The following TTLL11 variants were observed in gnomAD, a reference collection of about 807,000 sequenced individuals.
The protein encoded by TTLL11 is tubulin tyrosine ligase like 11, also known as tubulin polyglutamylase TTLL11.
A neutral mutation model predicts 51.7 loss-of-function variants in TTLL11; 42 were observed. That is an observed-to-expected ratio of 0.81 (90% CI 0.64 to 1.05). The LOEUF (loss-of-function observed/expected upper bound fraction) is 1.05, where lower values mean the gene tolerates loss of function less well. Among genes scored for constraint, TTLL11 ranks in the 50% least tolerant of loss-of-function variants. The probability of loss-of-function intolerance (pLI) is 0.00; values close to 1 mark genes in which losing one functional copy is unlikely to be tolerated. For missense variants in TTLL11, 799 were observed against 940.4 expected, an observed-to-expected ratio of 0.85 and a Z score of 1.97; for synonymous variants, 381 against 383.5, an observed-to-expected ratio of 0.99 and a Z score of 0.08.
Position 122,078,149 on chromosome 9 carries a change from T to C in TTLL11, c.462+14538A>G, listed in dbSNP as rs934094403. ...ATTAGCAAAGCAGCCAACTTAATATTGGAAAAAGAACAACAAAATAAACCT... is the reference window on the plus strand; with the variant it reads ...ATTAGCAAAGCAGCCAACTTAATATCGGAAAAAGAACAACAAAATAAACCT... On this transcript the variant is annotated intron_variant, in intron 1 of 8. Coordinates refer to ENST00000321582, the MANE Select transcript of TTLL11 (RefSeq NM_001139442.2). Among the ~76,000 whole-genome samples, 4 of 151,614 alleles carry C rather than the reference T, an allele frequency of 2.6e-5. No individual in the cohort carries two copies. The South Asian group carries it at 8.3e-4, about 32-fold the overall frequency.
chr9:121,942,943 C>A (rs1841538923), intron 6 of TTLL11, among the ~76,000 whole-genome samples: 1 of 152,124 alleles, frequency 6.6e-6, no homozygotes, highest in Admixed American at 6.5e-5. Context: ...GTTCGCTGTT[C>A]CCACGCCCTT....
At position 121,995,875 on chromosome 9, in the gene TTLL11, T is replaced by C. The variant is rs563986263; in HGVS notation, c.694-6105A>G. 6.6e-4 allele frequency among the ~76,000 whole-genome samples: 100 copies of C among 152,296 alleles called. No individual in the cohort carries two copies. Among genetic ancestry groups the C allele is most frequent in the African/African-American group, 1.9e-3 (80 of 41,560 alleles). ...AACTCAGATGGCGCATACCTCGAAC[T>C]GGAGCACAGGTATCCGAACAGACCT... On this transcript the variant is annotated intron_variant, in intron 3 of 8. Transcript: ENST00000321582. This position sits in a 1 kb window ranked among gnomAD's most constrained non-coding sequence, Gnocchi z 4.4.
chr9:121,842,719 C>G (rs1018337921), intron 8 of TTLL11, among the ~76,000 whole-genome samples: 1 of 152,160 alleles, frequency 6.6e-6, no homozygotes, highest in African/African-American at 2.4e-5. Flanking sequence ...AATAACTGAT[C>G]AGATGGTTTG....
At chr9:122,047,473 G>A (rs1345062111) in intron 1 of TTLL11, among the ~76,000 whole-genome samples, 1 of 152,084 alleles carries the variant, frequency 6.6e-6, no homozygotes, top group South Asian at 2.1e-4. Flanking sequence ...ACTTCAGCAG[G>A]GGGCAGCTCA....
intron 6 of TTLL11, among the ~76,000 whole-genome samples, chr9:121,946,475 A>G (rs910278165): frequency 6.6e-6 from 1 of 152,224 alleles, no homozygotes; most frequent in Non-Finnish European, 1.5e-5. Flanking sequence ...TTACAGAGGC[A>G]GGGGCTTTGA....
intron 1 of TTLL11, among the ~76,000 whole-genome samples, chr9:122,052,724 A>T (rs1845194946): frequency 6.6e-6 from 1 of 152,140 alleles, no homozygotes; most frequent in South Asian, 2.1e-4. Context: ...TGGTACAATC[A>T]GGGTATTAAA....
At chr9:121,824,748 C>G (rs907307768) in intron 8 of TTLL11, among the ~76,000 whole-genome samples, 4 of 152,154 alleles carry the variant, frequency 2.6e-5, no homozygotes, top group African/African-American at 9.7e-5. Context: ...GGACTGAACA[C>G]CACGTGGCAT....
At chr9:121,915,249 G>A (rs1739168177) in intron 6 of TTLL11, among the ~76,000 whole-genome samples, 2 of 152,296 alleles carry the variant, frequency 1.3e-5, no homozygotes, top group South Asian at 2.1e-4. Context: ...TTGTGTGAAT[G>A]TATCACTCTT....
chr9:122,013,162 G>A (rs1843865551), intron 3 of TTLL11, among the ~76,000 whole-genome samples: 2 of 152,168 alleles, frequency 1.3e-5, no homozygotes, highest in Non-Finnish European at 1.5e-5. Flanking sequence ...ACTTACCCGA[G>A]GGATACACTT....
chr9:121,869,128 C>T (rs4372075), intron 7 of TTLL11, among the ~76,000 whole-genome samples: 1 of 152,048 alleles, frequency 6.6e-6, no homozygotes, highest in Non-Finnish European at 1.5e-5. Flanking sequence ...TTCCCTCCCC[C>T]ACCCTGCCCT....
intron 6 of TTLL11, among the ~76,000 whole-genome samples, chr9:121,929,838 T>A (rs1840901202): frequency 6.6e-6 from 1 of 152,216 alleles, no homozygotes; most frequent in Non-Finnish European, 1.5e-5. Context: ...GTTTGTAGAA[T>A]AAGAGGTGAG....
rs189306321 is a variant in TTLL11, at chr9:121,971,856, G to A, written c.1481+2153C>T. 6.6e-5 allele frequency among the ~76,000 whole-genome samples: 10 copies of A among 151,548 alleles called. 1 individual carries two copies. The highest frequency in any genetic ancestry group is 2.4e-4 in the African/African-American group (10 of 41,290). ...AGGGACCTGAATGAAGCTGGAAACC[G>A]TCATTCTTAGCAAACTAACACAAAA... On this transcript the variant is annotated intron_variant, in intron 6 of 8. Transcript: ENST00000321582.
At chr9:121,847,600 G>A (rs375693815) in intron 8 of TTLL11, among the ~76,000 whole-genome samples, 20 of 152,208 alleles carry the variant, frequency 1.3e-4, no homozygotes, top group South Asian at 4.1e-4. Flanking sequence ...AAACTCACAC[G>A]AGAATAAACA....
At chr9:121,959,600 A>C (rs1331935520) in intron 6 of TTLL11, among the ~76,000 whole-genome samples, 1 of 151,810 alleles carries the variant, frequency 6.6e-6, no homozygotes, top group Non-Finnish European at 1.5e-5. Flanking sequence ...TAATACAAAC[A>C]TTTCTCTCCA....
chr9:121,988,899 TA>T, intron 4 of TTLL11: 1 of 557,988 alleles, frequency 1.8e-6, no homozygotes, highest in Non-Finnish European at 3.0e-6. Flanking sequence ...CGAATGAATG[TA>T]AAACTCTGCT....
chr9:122,068,721 G>A (rs900482125), intron 1 of TTLL11, among the ~76,000 whole-genome samples: 2 of 152,150 alleles, frequency 1.3e-5, no homozygotes, highest in Admixed American at 6.5e-5. Context: ...AGATACTGGG[G>A]GGTGTTCACC....
chr9:121,934,235 A>AAAATAAATAAATAAAT (rs58764604), intron 6 of TTLL11, among the ~76,000 whole-genome samples: 3,604 of 146,414 alleles, frequency 0.025, 53 homozygotes, highest in South Asian at 0.048. Context: ...CTCCATCTCA[A>AAAATAAATAAATAAAT]AAATAAATAA....
chr9:121,957,950 G>T (rs1842073449), intron 6 of TTLL11, among the ~76,000 whole-genome samples: 2 of 152,120 alleles, frequency 1.3e-5, no homozygotes, highest in Admixed American at 6.5e-5. Context: ...TTTCTTTCTT[G>T]GGCCTCAAAA....
rs371412555 is a variant in TTLL11 at position 122,075,928 on chromosome 9, T to C, written c.462+16759A>G. 3.3e-5 allele frequency among the ~76,000 whole-genome samples: 5 copies of C among 152,198 alleles called. No homozygotes were observed. The East Asian group carries it at 5.8e-4, about 18-fold the overall frequency. ...CATTTCCCTTTAAGGAAAACAGTCATTTAGAAGGTAGAAAAAAAAATCAGC... is the reference window on the plus strand; with the variant it reads ...CATTTCCCTTTAAGGAAAACAGTCACTTAGAAGGTAGAAAAAAAAATCAGC... On this transcript the variant is annotated intron_variant, in intron 1 of 8. Transcript: ENST00000321582.
Sources: gnomAD v4.1 joint callset for allele counts (sites outside exome capture counted in the v4.1 genomes callset) on GRCh38, gnomAD v4.1.1 for gene constraint, Gnocchi (gnomAD v3.1) non-coding constraint, MANE v1.5 for transcripts, NCBI Gene and HGNC (gene_info 2026-07-23, HGNC 2026-07-21) for gene names.